CCNE2: variants seen among roughly 807,000 people sequenced by gnomAD.
CCNE2 encodes the protein G1/S-specific cyclin-E2.
In CCNE2, 18 loss-of-function variants were observed where a neutral mutation model predicts 56.8. The observed-to-expected ratio is 0.32, with a 90% confidence interval of 0.22 to 0.47. The LOEUF is 0.47. Among genes scored for constraint, CCNE2 ranks in the 20% least tolerant of loss-of-function variants. The pLI is 1.00. For synonymous variants in CCNE2, 139 were observed against 149.2 expected (o/e 0.93, Z 0.50); for missense variants, 371 against 467.1 (o/e 0.79, Z 1.90).
At chr8:94,881,896 G>T in intron 11 of CCNE2, 151 bp from the exon 12 acceptor site, 3 of 970,860 alleles carry the variant, frequency 3.1e-6, no homozygotes, top group Non-Finnish European at 4.4e-6. Flanking sequence ...TTTCTGTAAC[G>T]TTATATATTT....
chr8:94,891,789 A>C, intron 5 of CCNE2: 1 of 1,491,330 alleles, frequency 6.7e-7, no homozygotes, highest in Non-Finnish European at 9.2e-7. Flanking sequence ...GGGACTGGAC[A>C]CAAGGTTGGT....
intron 5 of CCNE2, among the ~76,000 whole-genome samples, chr8:94,892,376 C>T (rs941058616): frequency 6.6e-6 from 1 of 152,178 alleles, no homozygotes. Flanking sequence ...TTTGTATAAG[C>T]TGTACCTCTT....
intron 11 of CCNE2, 67 bp from the exon 12 acceptor site, chr8:94,881,812 A>G (rs753610739): frequency 3.2e-6 from 5 of 1,586,298 alleles, no homozygotes; most frequent in Non-Finnish European, 3.4e-6. Flanking sequence ...CTGGGTACTT[A>G]TTTGAGATTA....
intron 4 of CCNE2, 25 bp from the exon 5 acceptor site, chr8:94,892,994 T>C: frequency 1.3e-6 from 2 of 1,522,324 alleles, no homozygotes; most frequent in South Asian, 1.3e-5. Context: ...AAGAAAAATA[T>C]CAATTTGTGC....
intron 10 of CCNE2, 53 bp downstream of exon 10, chr8:94,882,728 A>C (rs1391966203): frequency 1.7e-6 from 2 of 1,158,060 alleles, no homozygotes. Context: ...CAGAGACTGT[A>C]GTCCCATTAG....
intron 6 of CCNE2, among the ~76,000 whole-genome samples, chr8:94,889,790 CT>C (rs1344099654): frequency 6.6e-6 from 1 of 152,046 alleles, no homozygotes; most frequent in Admixed American, 6.6e-5. Context: ...ATTTTAGAAA[CT>C]TTTTTAGAGC....
chr8:94,894,282 C>T lies in CCNE2; in HGVS notation c.-26-35G>A, dbSNP rs1376813252. 6.2e-6 allele frequency: 10 copies of T among 1,602,926 alleles called. No individual in the cohort carries two copies. In the African/African-American group the frequency reaches 1.3e-4, roughly 21 times the overall value. On this transcript the variant is annotated intron_variant, in intron 1 of 11. Transcript: ENST00000308108. Reference sequence around the variant, plus strand: ...GGAGAGGAAAAGCCGCAGTCAAGTACATTGTCATTCACATTCTCCAAGTGC... The same window carrying T: ...GGAGAGGAAAAGCCGCAGTCAAGTATATTGTCATTCACATTCTCCAAGTGC...
At chr8:94,891,951 T>C in intron 5 of CCNE2, 3 of 1,130,590 alleles carry the variant, frequency 2.7e-6, no homozygotes, top group Non-Finnish European at 3.9e-6. Flanking sequence ...ACAGAGCTCA[T>C]GGTCGGATTA....
chr8:94,881,257 C>G lies in CCNE2; in HGVS notation c.*375G>C. On this transcript the variant is annotated 3_prime_UTR_variant, in exon 12 of 12. Coordinates refer to ENST00000308108, the MANE Select transcript of CCNE2 (RefSeq NM_057749.3). The stretch of plus-strand genomic sequence containing the variant: ...TCAAAGTACTGTATCACTTAGTATA[C>G]CCTTTAAGGTAGCACTTATCCAGTC... 1 of 350,872 alleles carries G rather than the reference C, an allele frequency of 2.9e-6. No individual in the cohort carries two copies. Among genetic ancestry groups the G allele is most frequent in the Non-Finnish European group, 5.1e-6 (1 of 197,184 alleles). 21.7% of individuals were successfully genotyped at this position (350,872 alleles called of 1,614,324 possible).
rs376496147 is a variant in CCNE2 at position 94,894,239 on chromosome 8, A to G, written c.-18T>C. ...CTTGACATTCTCTTCTTTCAGGTGT[A>G]TAAAACCTCTGAAGGGGGGAGAGGA... On this transcript the variant is annotated 5_prime_UTR_variant, in exon 2 of 12. Transcript: ENST00000308108. The G allele has an allele frequency of 3.1e-6, 5 of 1,613,806 alleles. No homozygotes were observed. Among genetic ancestry groups the G allele is most frequent in the East Asian group, 2.2e-5 (1 of 44,890 alleles).
chr8:94,889,000 A>T (rs78427421), intron 6 of CCNE2, among the ~76,000 whole-genome samples: 5,157 of 152,204 alleles, frequency 0.034, 90 homozygotes, highest in Non-Finnish European at 0.04. Flanking sequence ...AATACAAAAT[A>T]TAGCAGGTGT....
chr8:94,880,231 T>A lies in CCNE2; in HGVS notation c.*1401A>T. On this transcript the variant is annotated 3_prime_UTR_variant, in exon 12 of 12. Coordinates refer to ENST00000308108, the MANE Select transcript of CCNE2 (RefSeq NM_057749.3). ...TCCAAGCAATGGCAAAACTTTACTTTTAAGCAGTTAAATTTTTTTAACTTT... is the reference window on the plus strand; with the variant it reads ...TCCAAGCAATGGCAAAACTTTACTTATAAGCAGTTAAATTTTTTTAACTTT... 6.4e-7 allele frequency: 1 copy of A among 1,562,968 alleles called. No homozygotes were observed. Among genetic ancestry groups the A allele is most frequent in the South Asian group, 1.2e-5 (1 of 86,728 alleles).
At position 94,894,199 on chromosome 8, in the gene CCNE2, T is replaced by A. The variant is rs1037696961; in HGVS notation, c.14+9A>T. On this transcript the variant is annotated intron_variant, in intron 2 of 11. Transcript: ENST00000308108. ...ATTTGAAACATGTCTCTAAGACAGA[T>A]AATGTTACCTTCGTCTTGACATTCT... 1.2e-6 allele frequency: 2 copies of A among 1,614,120 alleles called. No homozygotes were observed. Among genetic ancestry groups the A allele is most frequent in the African/African-American group, 2.7e-5 (2 of 75,066 alleles).
chr8:94,888,862 T>C (rs1238368823), intron 6 of CCNE2, among the ~76,000 whole-genome samples: 19 of 152,176 alleles, frequency 1.2e-4, no homozygotes, highest in African/African-American at 4.6e-4. Flanking sequence ...AAAATCTCTT[T>C]TGCTGGCCGA....
intron 11 of CCNE2, 99 bp from the exon 12 acceptor site, chr8:94,881,844 CT>C (rs1387173186): frequency 1.4e-6 from 2 of 1,397,332 alleles, no homozygotes; most frequent in African/African-American, 2.9e-5. Context: ...TTTTAATAGT[CT>C]TTTTATGTCT....
At chr8:94,886,943 T>C (rs570900490) in intron 7 of CCNE2, among the ~76,000 whole-genome samples, 11 of 152,198 alleles carry the variant, frequency 7.2e-5, no homozygotes, top group African/African-American at 2.6e-4. Context: ...CAAGTAAGGA[T>C]AGACTGAACA....
At chr8:94,882,458 G>A (rs1223602560) in intron 10 of CCNE2, among the ~76,000 whole-genome samples, 169 bp from the exon 11 acceptor site, 1 of 152,162 alleles carries the variant, frequency 6.6e-6, no homozygotes, top group Admixed American at 6.5e-5. Flanking sequence ...CTATTTACAT[G>A]ACTATGTTGA....
Position 94,882,902 on chromosome 8 carries a change from A to G in CCNE2, c.832-10T>C, listed in dbSNP as rs185902011. 2.6e-6 allele frequency: 4 copies of G among 1,544,178 alleles called. No homozygotes were observed. The highest frequency in any genetic ancestry group is 2.2e-5 in the East Asian group (1 of 44,538). ...TACACAGATCTAAAAGCTAACAGGA[A>G]AAACAAAAGTACAAGCAATTTAGGA... On this transcript the variant is annotated splice_polypyrimidine_tract_variant and intron_variant, in intron 9 of 11. Transcript: ENST00000308108.
At chr8:94,893,972 A>C in intron 3 of CCNE2, 28 bp from the exon 4 acceptor site, 1 of 1,613,948 alleles carries the variant, frequency 6.2e-7, no homozygotes, top group Non-Finnish European at 8.5e-7. Context: ...CCATTGGTAA[A>C]CTAAAGTCCC....
Sources: allele counts gnomAD v4.1 joint callset (sites outside exome capture counted in the v4.1 genomes callset), GRCh38; gene constraint gnomAD v4.1.1; transcripts MANE v1.5; gene names NCBI Gene and HGNC (gene_info 2026-07-23, HGNC 2026-07-21).